Variants in PLXDC2 observed in about 807,000 individuals in gnomAD.
PLXDC2 encodes the protein plexin domain-containing protein 2.
A neutral mutation model predicts 68.9 loss-of-function variants in PLXDC2; 40 were observed. The observed-to-expected ratio is 0.58, with a 90% CI of 0.45 to 0.76. The LOEUF (loss-of-function observed/expected upper bound fraction) is 0.76, where lower values mean the gene tolerates loss of function less well. Ranked by LOEUF, PLXDC2 falls within the 30% of genes least tolerant of loss-of-function variation. The pLI, the probability that PLXDC2 is intolerant of heterozygous loss-of-function variation, is 0.00. For missense variants in PLXDC2, 644 were observed against 661.9 expected, an observed-to-expected ratio of 0.97 and a Z score of 0.30; for synonymous variants, 243 against 234.2, an observed-to-expected ratio of 1.04 and a Z score of -0.34.
intron 6 of PLXDC2, among the ~76,000 whole-genome samples, chr10:20,154,613 G>T (rs147938912): frequency 5.3e-5 from 8 of 151,782 alleles, no homozygotes; most frequent in African/African-American, 1.9e-4. Flanking sequence ...TGAAATAAGG[G>T]TCTTTACAGG....
At position 20,283,923 on chromosome 10, in the gene PLXDC2, A is replaced by C. The variant is rs1836113747; in HGVS notation, c.*4104A>C. The C allele has an allele frequency of 6.6e-6, 1 of 152,198 alleles. No homozygotes were observed. Among genetic ancestry groups the C allele is most frequent in the African/African-American group, 2.4e-5 (1 of 41,450 alleles). The allele number at this position is 152,198 out of a possible 1,614,324, so 9.4% of individuals were successfully genotyped here. On this transcript the variant is annotated 3_prime_UTR_variant, in exon 14 of 14. Transcript: ENST00000377252. ...TTTTAAATTATGCTAATATCCAGATACATATTCTAAGGTTAGTATCATTTA... is the reference window on the plus strand; with the variant it reads ...TTTTAAATTATGCTAATATCCAGATCCATATTCTAAGGTTAGTATCATTTA...
rs377490594 is a variant in PLXDC2 at position 19,985,648 on chromosome 10, A to G, written c.113-16127A>G. Among the ~76,000 whole-genome samples, 163 of 152,294 alleles carry G rather than the reference A, an allele frequency of 1.1e-3. No individual in the cohort carries two copies. The South Asian group carries it at 0.033, about 31-fold the overall frequency. On this transcript the variant is annotated intron_variant, in intron 1 of 13. Coordinates refer to ENST00000377252, the MANE Select transcript of PLXDC2 (RefSeq NM_032812.9). ...AACTCATCAAATTAGTCAATCCTTT[A>G]CTGACTTTATGTGTGATAGCCGGAT...
intron 4 of PLXDC2, among the ~76,000 whole-genome samples, chr10:20,103,955 A>T (rs779447641): frequency 6.6e-6 from 1 of 152,104 alleles, no homozygotes; most frequent in African/African-American, 2.4e-5. Flanking sequence ...CACATCTTTT[A>T]TAAGATATAA....
chr10:20,217,661 C>T, intron 11 of PLXDC2, 85 bp downstream of exon 11: 1 of 1,365,740 alleles, frequency 7.3e-7, no homozygotes. Context: ...TTGACATGTA[C>T]TGGAATAGCT....
intron 1 of PLXDC2, among the ~76,000 whole-genome samples, chr10:19,841,329 C>CT (rs1177605055): frequency 6.6e-6 from 1 of 152,038 alleles, no homozygotes; most frequent in Non-Finnish European, 1.5e-5. Context: ...TTCAGTGTGT[C>CT]TTTTGGTTTT....
chr10:19,998,760 G>A (rs938776627), intron 1 of PLXDC2, among the ~76,000 whole-genome samples: 4 of 152,190 alleles, frequency 2.6e-5, no homozygotes, highest in African/African-American at 7.2e-5. Context: ...GCTGTCAATG[G>A]TAACAGCAAG....
At chr10:20,125,933 CATAT>C (rs3048906) in intron 4 of PLXDC2, among the ~76,000 whole-genome samples, 91,738 of 146,366 alleles carry the variant, frequency 0.63, 29,364 homozygotes, top group Middle Eastern at 0.69. Context: ...GAGAAATGAA[CATAT>C]ATATATATAT....
chr10:20,229,517 CA>C (rs58386547), intron 12 of PLXDC2, among the ~76,000 whole-genome samples: 34,729 of 105,026 alleles, frequency 0.33, 3,869 homozygotes, highest in Middle Eastern at 0.52. Flanking sequence ...CCACTTTAAG[CA>C]AAAAAAAAAA....
intron 1 of PLXDC2, among the ~76,000 whole-genome samples, chr10:19,995,606 G>A (rs539774367): frequency 1.5e-4 from 23 of 152,296 alleles, no homozygotes; most frequent in Middle Eastern, 3.4e-3. Flanking sequence ...GATGGGAACC[G>A]TCCCTAAATC....
chr10:19,901,470 A>G (rs978291275), intron 1 of PLXDC2, among the ~76,000 whole-genome samples: 2 of 152,048 alleles, frequency 1.3e-5, no homozygotes, highest in African/African-American at 2.4e-5. Flanking sequence ...CCATTTGTAT[A>G]TCTTCTTTTG....
chr10:20,273,522 C>A (rs2681945), intron 13 of PLXDC2, among the ~76,000 whole-genome samples: 1 of 151,822 alleles, frequency 6.6e-6, no homozygotes, highest in African/African-American at 2.4e-5. Context: ...ACATAGAGCA[C>A]GATATAGATA....
At chr10:20,088,207 C>T (rs529190622) in intron 4 of PLXDC2, among the ~76,000 whole-genome samples, 18 of 152,194 alleles carry the variant, frequency 1.2e-4, no homozygotes, top group South Asian at 4.1e-4. Context: ...TGTAGAGTAA[C>T]GATATCTCCT....
chr10:20,224,215 C>G (rs1176322881), intron 12 of PLXDC2, among the ~76,000 whole-genome samples: 1 of 152,218 alleles, frequency 6.6e-6, no homozygotes, highest in South Asian at 2.1e-4. Context: ...CTCGGGTGAT[C>G]CACCCATCTC....
intron 4 of PLXDC2, among the ~76,000 whole-genome samples, chr10:20,115,772 G>A (rs1833613285): frequency 6.6e-6 from 1 of 152,126 alleles, no homozygotes; most frequent in African/African-American, 2.4e-5. Flanking sequence ...GTACGATTGA[G>A]TGTCTTCTCT....
rs2131989163 is a variant in PLXDC2 at position 19,816,890 on chromosome 10, G to A, written c.-190G>A. ...GAGCCTCAGAGGTCCGAAGAGCGCT[G>A]CGCTCCTACTCGCGTTCGCTTCTTC... On this transcript the variant is annotated 5_prime_UTR_variant, in exon 1 of 14. Transcript: ENST00000377252. 1.7e-6 allele frequency: 1 copy of A among 599,700 alleles called. No homozygotes were observed. Among genetic ancestry groups the A allele is most frequent in the Non-Finnish European group, 3.0e-6 (1 of 337,362 alleles). The allele number at this position is 599,700 out of a possible 1,614,324, so 37.1% of individuals were successfully genotyped here. A position where few individuals can be genotyped will look rare whatever the true frequency, so the allele number is the denominator to read the frequency against.
intron 1 of PLXDC2, among the ~76,000 whole-genome samples, chr10:19,823,515 T>A (rs1589484984): frequency 6.6e-6 from 1 of 151,164 alleles, no homozygotes; most frequent in Admixed American, 6.6e-5. Context: ...AACCCCGTCT[T>A]CCCTAAAAAT....
rs66485339 is a variant in PLXDC2 at position 20,044,211 on chromosome 10, G to C, written c.325-2658G>C. Among the ~76,000 whole-genome samples, 129 of 68,594 alleles carry C rather than the reference G, an allele frequency of 1.9e-3. 2 individuals carry two copies. The highest frequency in any genetic ancestry group is 0.014 in the South Asian group (23 of 1,636). 45.0% of individuals were successfully genotyped at this position (68,594 alleles called of 152,430 possible). A position where few individuals can be genotyped will look rare whatever the true frequency, so the allele number is the denominator to read the frequency against. ...TTTCTTTCTCTCTCTCTCTCTCTCT[G>C]TCTTTCTTTCTTTCTTTCTTTCTTT... On this transcript the variant is annotated intron_variant, in intron 2 of 13. Transcript: ENST00000377252.
In PLXDC2 at chr10:19,969,297, G is replaced by A. The variant is rs144488228; in HGVS notation, c.113-32478G>A. The stretch of plus-strand genomic sequence containing the variant: ...GGGGAAATCAAATACATATGTACTC[G>A]GTTTCTGTTCAGTGGAAATTAAATC... On this transcript the variant is annotated intron_variant, in intron 1 of 13. Transcript: ENST00000377252. Among the ~76,000 whole-genome samples, 521 of 152,164 alleles carry A rather than the reference G, an allele frequency of 3.4e-3. 2 individuals carry two copies. The highest frequency in any genetic ancestry group is 0.012 in the African/African-American group (485 of 41,506).
In PLXDC2 at chr10:19,923,569, T is replaced by G. The variant is rs143410623; in HGVS notation, c.113-78206T>G. ...AAATTGCTTTATCCAATTGCTACAC[T>G]GAGGCAATTAAGGATAATTTAAAAA... is the stretch of plus-strand genomic sequence containing the variant. On this transcript the variant is annotated intron_variant, in intron 1 of 13. Transcript: ENST00000377252. Among the ~76,000 whole-genome samples the G allele has an allele frequency of 4.2e-3, 642 of 152,262 alleles. 8 individuals carry two copies. Among genetic ancestry groups the G allele is most frequent in the African/African-American group, 0.015 (624 of 41,536 alleles).
Sources: gnomAD v4.1 joint callset for allele counts (sites outside exome capture counted in the v4.1 genomes callset) on GRCh38, gnomAD v4.1.1 for gene constraint, MANE v1.5 for transcripts, NCBI Gene and HGNC (gene_info 2026-07-23, HGNC 2026-07-21) for gene names.